The following RNF216 variants were observed in gnomAD, a reference collection of about 807,000 sequenced individuals.
RNF216 encodes the protein E3 ubiquitin-protein ligase RNF216.
Under a neutral mutation model 110.8 loss-of-function variants are expected in RNF216, and 72 were observed. The observed-to-expected ratio is 0.65, with a 90% CI of 0.54 to 0.79. The LOEUF (loss-of-function observed/expected upper bound fraction) is 0.79, where lower values mean the gene tolerates loss of function less well. RNF216 is among the 30% of genes least tolerant of loss of function. The pLI is 0.00. For missense variants in RNF216, 1,342 were observed against 1,141.2 expected, an observed-to-expected ratio of 1.18 and a Z score of -2.54; for synonymous variants, 495 against 407.5, an observed-to-expected ratio of 1.21 and a Z score of -2.59.
At chr7:5,712,410 T>C (rs1178555229) in intron 12 of RNF216, among the ~76,000 whole-genome samples, 2 of 151,546 alleles carry the variant, frequency 1.3e-5, no homozygotes, top group African/African-American at 4.9e-5. Context: ...GAGGCGGAGG[T>C]TGTAGTGAGC....
intron 13 of RNF216, among the ~76,000 whole-genome samples, chr7:5,685,009 A>G (rs1790889061): frequency 1.3e-5 from 2 of 152,082 alleles, no homozygotes; most frequent in African/African-American, 4.8e-5. Flanking sequence ...GCATAGGTGG[A>G]GGGGTGAAGA....
intron 14 of RNF216, among the ~76,000 whole-genome samples, chr7:5,643,810 C>T (rs1252246518): frequency 6.6e-6 from 1 of 152,058 alleles, no homozygotes; most frequent in Non-Finnish European, 1.5e-5. Context: ...AAAAGGAAAC[C>T]CTGTACCCAC....
At chr7:5,764,017 C>G (rs1221108130) in intron 1 of RNF216, among the ~76,000 whole-genome samples, 1 of 151,894 alleles carries the variant, frequency 6.6e-6, no homozygotes, top group Non-Finnish European at 1.5e-5. Flanking sequence ...GGGCGAAACC[C>G]TGCTTCTACT....
intron 8 of RNF216, among the ~76,000 whole-genome samples, chr7:5,721,433 T>C (rs1290104572): frequency 6.6e-6 from 1 of 152,258 alleles, no homozygotes; most frequent in East Asian, 1.9e-4. Context: ...ACTAGTGTAC[T>C]ATGTGAATAT....
chr7:5,652,024 C>T (rs748734311), intron 14 of RNF216, among the ~76,000 whole-genome samples: 14 of 152,134 alleles, frequency 9.2e-5, no homozygotes, highest in Non-Finnish European at 1.2e-4. Context: ...TTATCACAGG[C>T]GTATCATTTT....
chr7:5,765,909 C>T (rs1796181214), intron 1 of RNF216, among the ~76,000 whole-genome samples: 1 of 147,360 alleles, frequency 6.8e-6, no homozygotes, highest in Non-Finnish European at 1.5e-5. Context: ...GCCCAGATTG[C>T]ACCACTGCAG....
chr7:5,767,988 T>C (rs1478545277), intron 1 of RNF216, among the ~76,000 whole-genome samples: 1 of 152,080 alleles, frequency 6.6e-6, no homozygotes, highest in African/African-American at 2.4e-5. Flanking sequence ...GAGAGCCAAA[T>C]CTTAAGGGTT....
At chr7:5,636,809 T>C (rs576339065) in intron 15 of RNF216, among the ~76,000 whole-genome samples, 1 of 152,240 alleles carries the variant, frequency 6.6e-6, no homozygotes, top group South Asian at 2.1e-4. Context: ...ATCTAGAAAC[T>C]TTCTCAGGTT....
At chr7:5,677,493 T>C (rs1267439327) in intron 13 of RNF216, among the ~76,000 whole-genome samples, 1 of 152,182 alleles carries the variant, frequency 6.6e-6, no homozygotes, top group East Asian at 1.9e-4. Context: ...ATCCAAGCCA[T>C]ATCGAAAGGC....
chr7:5,760,456 T>C lies in RNF216; in HGVS notation c.67+547A>G, dbSNP rs749846641. On this transcript the variant is annotated intron_variant, in intron 2 of 16. Transcript: ENST00000389902. ...ATTTGAACCCAGGAGGCGGAGCTCGTGGTGAGTCGAGATTACGCCATTGCA... is the reference window on the plus strand; with the variant it reads ...ATTTGAACCCAGGAGGCGGAGCTCGCGGTGAGTCGAGATTACGCCATTGCA... 69 of 386,530 alleles carry C rather than the reference T, an allele frequency of 1.8e-4. 1 individual carries two copies. The highest frequency in any genetic ancestry group is 1.3e-3 in the South Asian group (69 of 54,370). The allele number at this position is 386,530 out of a possible 1,614,324, so 23.9% of individuals were successfully genotyped here.
intron 15 of RNF216, among the ~76,000 whole-genome samples, chr7:5,637,028 C>T (rs1246372420): frequency 1.3e-5 from 2 of 152,172 alleles, no homozygotes; most frequent in Non-Finnish European, 2.9e-5. Flanking sequence ...CGCTAACTCC[C>T]ACTCTGCCCT....
intron 5 of RNF216, among the ~76,000 whole-genome samples, chr7:5,732,338 C>A (rs1364330733): frequency 6.6e-6 from 1 of 152,084 alleles, no homozygotes; most frequent in Non-Finnish European, 1.5e-5. Flanking sequence ...TGGCGACAAA[C>A]CAGACACGGA....
At chr7:5,644,169 A>G (rs1787911216) in intron 14 of RNF216, among the ~76,000 whole-genome samples, 1 of 152,106 alleles carries the variant, frequency 6.6e-6, no homozygotes, top group Admixed American at 6.6e-5. Context: ...TTATATGGAC[A>G]CTTGTTTTCA....
chr7:5,716,642 A>G, intron 10 of RNF216, 74 bp downstream of exon 10: 1 of 1,272,478 alleles, frequency 7.9e-7, no homozygotes, highest in Non-Finnish European at 1.1e-6. Flanking sequence ...GCCATCAAAA[A>G]TGCTGACAAA....
At chr7:5,734,152 G>T (rs1431126372) in intron 5 of RNF216, among the ~76,000 whole-genome samples, 1 of 152,170 alleles carries the variant, frequency 6.6e-6, no homozygotes, top group African/African-American at 2.4e-5. Context: ...TAGAGTTCAG[G>T]AGACAAGCAG....
At chr7:5,695,610 T>C (rs951459337) in intron 13 of RNF216, among the ~76,000 whole-genome samples, 1 of 152,166 alleles carries the variant, frequency 6.6e-6, no homozygotes, top group Non-Finnish European at 1.5e-5. Flanking sequence ...GAAAAATGAA[T>C]TGCTTGCTAG....
intron 14 of RNF216, among the ~76,000 whole-genome samples, chr7:5,644,503 GT>G (rs1352575214): frequency 6.6e-6 from 1 of 151,236 alleles, no homozygotes; most frequent in Non-Finnish European, 1.5e-5. Flanking sequence ...AATTGATATT[GT>G]TTGCCCATTT....
chr7:5,624,645 A>G lies in RNF216; in HGVS notation c.2383-520T>C, dbSNP rs891009264. Among the ~76,000 whole-genome samples, 1 of 152,056 alleles carries G rather than the reference A, an allele frequency of 6.6e-6. No homozygotes were observed. The highest frequency in any genetic ancestry group is 1.9e-4 in the East Asian group (1 of 5,164). On this transcript the variant is annotated intron_variant, in intron 15 of 16. Transcript: ENST00000389902. This position sits in a 1 kb window ranked among gnomAD's most constrained non-coding sequence, Gnocchi z 4.4. ...GGCTCCTGGGCCAGGCCTCGGGGAGAGGAGGAAGGTGCGACAGTGAGGATG... is the reference window on the plus strand; with the variant it reads ...GGCTCCTGGGCCAGGCCTCGGGGAGGGGAGGAAGGTGCGACAGTGAGGATG...
intron 15 of RNF216, among the ~76,000 whole-genome samples, chr7:5,625,487 A>C (rs889335885): frequency 4.6e-5 from 7 of 152,222 alleles, no homozygotes; most frequent in African/African-American, 1.7e-4. Context: ...AACTGGAAGG[A>C]AGACAATCCT....
Sources: allele counts gnomAD v4.1 joint callset (sites outside exome capture counted in the v4.1 genomes callset), GRCh38; gene constraint gnomAD v4.1.1; non-coding constraint Gnocchi (gnomAD v3.1); transcripts MANE v1.5; gene names NCBI Gene and HGNC (gene_info 2026-07-23, HGNC 2026-07-21).